Variants in WWOX observed in about 807,000 individuals in gnomAD.
WWOX encodes WW domain containing oxidoreductase.
In WWOX, 69 loss-of-function variants were observed where a neutral mutation model predicts 46.2. The ratio of observed to expected loss-of-function variants is 1.49; its 90% CI spans 1.23 to 1.82. The LOEUF (loss-of-function observed/expected upper bound fraction) is 1.82, where lower values mean the gene tolerates loss of function less well. WWOX is among the 40% of genes most tolerant of loss of function. WWOX has a pLI of 0.00. For synonymous variants in WWOX, 359 were observed against 202.6 expected (o/e 1.77, Z -6.56); for missense variants, 919 against 542.6 (o/e 1.69, Z -6.89).
intron 4 of WWOX, chr16:78,145,934 G>C (rs570244085): frequency 7.9e-5 from 12 of 152,146 alleles, no homozygotes; most frequent in African/African-American, 2.9e-4. Flanking sequence ...CGTGAGAATC[G>C]TAAGATTCCT....
intron 5 of WWOX, among the ~76,000 whole-genome samples, chr16:78,371,160 C>T (rs372506256): frequency 1.6e-4 from 24 of 152,120 alleles, no homozygotes; most frequent in South Asian, 6.2e-4. Flanking sequence ...TAAGTTGATA[C>T]GCACAGTTCC....
intron 8 of WWOX, chr16:79,101,444 T>A (rs564466923): frequency 1.3e-5 from 2 of 152,306 alleles, no homozygotes; most frequent in Non-Finnish European, 2.9e-5. Context: ...TCCCCAAAAT[T>A]ACTTGATGAC....
intron 8 of WWOX, among the ~76,000 whole-genome samples, chr16:78,663,217 A>C (rs536535987): frequency 6.6e-6 from 1 of 152,036 alleles, no homozygotes; most frequent in African/African-American, 2.4e-5. Context: ...GACTTTACCT[A>C]TTTCGGGTAA....
chr16:78,320,732 A>C (rs1038766007), intron 5 of WWOX, among the ~76,000 whole-genome samples: 8 of 152,182 alleles, frequency 5.3e-5, no homozygotes, highest in Non-Finnish European at 1.2e-4. Flanking sequence ...TTGGTTATTG[A>C]CAAATGATCC....
chr16:78,912,920 A>G (rs2086631279), intron 8 of WWOX, among the ~76,000 whole-genome samples: 1 of 152,038 alleles, frequency 6.6e-6, no homozygotes, highest in Non-Finnish European at 1.5e-5. Context: ...AAGAGATCAG[A>G]GCAAGAGAAA....
At chr16:79,025,244 A>G (rs566127298) in intron 8 of WWOX, among the ~76,000 whole-genome samples, 1 of 152,302 alleles carries the variant, frequency 6.6e-6, no homozygotes, top group Non-Finnish European at 1.5e-5. Flanking sequence ...AGGCTCTTGC[A>G]GTTATCTGGG....
chr16:79,042,721 A>G (rs1384262951), intron 8 of WWOX, among the ~76,000 whole-genome samples: 2 of 114,732 alleles, frequency 1.7e-5, no homozygotes, highest in Admixed American at 1.1e-4. Flanking sequence ...ACAGATGAAT[A>G]CTCAGGGTTT....
intron 7 of WWOX, among the ~76,000 whole-genome samples, chr16:78,425,840 GA>G (rs1038251102): frequency 6.6e-5 from 10 of 150,940 alleles, no homozygotes; most frequent in Non-Finnish European, 1.5e-4. Context: ...AAAGTAGCTA[GA>G]AAAAAAAATA....
intron 8 of WWOX, among the ~76,000 whole-genome samples, chr16:78,515,028 T>G (rs2085456486): frequency 6.6e-6 from 1 of 152,066 alleles, no homozygotes; most frequent in Non-Finnish European, 1.5e-5. Context: ...AAGACCAGTC[T>G]GGCCAGTGTG....
chr16:78,368,140 G>A (rs760808057), intron 5 of WWOX, among the ~76,000 whole-genome samples: 8 of 152,136 alleles, frequency 5.3e-5, no homozygotes, highest in Non-Finnish European at 1.2e-4. Context: ...AAGTAATTAT[G>A]TCAACTTTGT....
In WWOX at chr16:79,032,762, T is replaced by C. The variant is rs149218092; in HGVS notation, c.1057-178846T>C. 4.8e-3 allele frequency among the ~76,000 whole-genome samples: 735 copies of C among 151,822 alleles called. 23 individuals carry two copies. Among genetic ancestry groups the C allele is most frequent in the Admixed American group, 0.043 (653 of 15,220 alleles). Reference sequence around the variant, plus strand: ...CCTAGTACCAGGGTTCTTCTTTTTTTAAAAAATTTATATTTTATTTTAAGT... The same window carrying C: ...CCTAGTACCAGGGTTCTTCTTTTTTCAAAAAATTTATATTTTATTTTAAGT... On this transcript the variant is annotated intron_variant, in intron 8 of 8. Transcript: ENST00000566780.
intron 5 of WWOX, among the ~76,000 whole-genome samples, chr16:78,307,635 G>C (rs1308042853): frequency 6.6e-6 from 1 of 152,170 alleles, no homozygotes; most frequent in African/African-American, 2.4e-5. Context: ...TTGACGTCCA[G>C]AATGATAAGA....
At chr16:78,785,320 A>G (rs1460683640) in intron 8 of WWOX, among the ~76,000 whole-genome samples, 1 of 152,166 alleles carries the variant, frequency 6.6e-6, no homozygotes, top group Non-Finnish European at 1.5e-5. Flanking sequence ...AGCTTTGAGC[A>G]CCCTGCTCTG....
intron 8 of WWOX, among the ~76,000 whole-genome samples, chr16:79,153,826 T>G (rs923129262): frequency 3.3e-5 from 5 of 152,122 alleles, no homozygotes; most frequent in African/African-American, 4.8e-5. Flanking sequence ...GGGACATCTC[T>G]TCAAATAAGA....
intron 8 of WWOX, among the ~76,000 whole-genome samples, chr16:79,056,680 A>G (rs999201758): frequency 8.5e-5 from 13 of 152,110 alleles, no homozygotes; most frequent in African/African-American, 1.4e-4. Context: ...AACATTGCCA[A>G]TCCCCCTCCA....
rs538463131 is a variant in WWOX, at chr16:78,205,846, GTCCT to G, written c.516+41577_516+41580del. 4.0e-3 allele frequency among the ~76,000 whole-genome samples: 586 copies of G among 145,136 alleles called. 1 individual carries two copies. The highest frequency in any genetic ancestry group is 5.8e-3 in the African/African-American group (228 of 39,206). Reference sequence around the variant, plus strand: ...CTTCCTACCTTCCTTCCTTCCTTCCGTCCTTCCTTCCTTCCTTCCTTCCGTCCTC... The same window carrying G: ...CTTCCTACCTTCCTTCCTTCCTTCCGTCCTTCCTTCCTTCCTTCCGTCCTC... On this transcript the variant is annotated intron_variant, in intron 5 of 8. Coordinates refer to ENST00000566780, the MANE Select transcript of WWOX (RefSeq NM_016373.4).
chr16:79,177,318 C>A (rs577167292), intron 8 of WWOX, among the ~76,000 whole-genome samples: 2 of 152,118 alleles, frequency 1.3e-5, no homozygotes, highest in African/African-American at 4.8e-5. Context: ...CGCTTCGTTT[C>A]GGAGGAAATT....
intron 8 of WWOX, among the ~76,000 whole-genome samples, chr16:79,091,578 A>G (rs1364036341): frequency 6.6e-6 from 1 of 152,102 alleles, no homozygotes; most frequent in Non-Finnish European, 1.5e-5. Context: ...AGAACACCCC[A>G]GAACAATCTG....
intron 8 of WWOX, among the ~76,000 whole-genome samples, chr16:79,134,497 ATTGT>A (rs1241067813): frequency 6.6e-6 from 1 of 151,960 alleles, no homozygotes; most frequent in Non-Finnish European, 1.5e-5. Context: ...GTGCCTGCGG[ATTGT>A]TTGTTGTTCT....
Sources: gnomAD v4.1 joint callset for allele counts (sites outside exome capture counted in the v4.1 genomes callset) on GRCh38, gnomAD v4.1.1 for gene constraint, MANE v1.5 for transcripts, NCBI Gene and HGNC (gene_info 2026-07-23, HGNC 2026-07-21) for gene names.